The following FER variants were observed in gnomAD, a reference collection of about 807,000 sequenced individuals.
FER encodes FER tyrosine kinase.
In FER, 63 loss-of-function variants were observed where a neutral mutation model predicts 111.0. The observed-to-expected ratio is 0.57, with a 90% confidence interval of 0.46 to 0.70. The LOEUF is 0.70. Among genes scored for constraint, FER ranks in the 30% least tolerant of loss-of-function variants. The pLI, the probability that FER is intolerant of heterozygous loss-of-function variation, is 0.00. For missense variants in FER, 914 were observed against 954.0 expected (o/e 0.96, Z 0.55); for synonymous variants, 327 against 313.9 (o/e 1.04, Z -0.44).
intron 3 of FER, among the ~76,000 whole-genome samples, chr5:108,816,343 T>C (rs1435643298): frequency 6.6e-6 from 1 of 152,204 alleles, no homozygotes; most frequent in Non-Finnish European, 1.5e-5. Context: ...TGAGCCACAC[T>C]CATCCACATG....
chr5:108,934,066 C>G (rs1581266625), intron 10 of FER, among the ~76,000 whole-genome samples: 1 of 152,070 alleles, frequency 6.6e-6, no homozygotes. Context: ...ATTTCTTTCT[C>G]TTGCCTGATT....
intron 2 of FER, among the ~76,000 whole-genome samples, chr5:108,796,062 C>T (rs1580584307): frequency 6.6e-6 from 1 of 152,190 alleles, no homozygotes; most frequent in Non-Finnish European, 1.5e-5. Flanking sequence ...TGGGTGCTGT[C>T]ATGTAAGCTG....
intron 1 of FER, among the ~76,000 whole-genome samples, chr5:108,754,406 CA>C (rs34475850): frequency 0.14 from 12,248 of 86,248 alleles, 472 homozygotes; most frequent in African/African-American, 0.23. Flanking sequence ...GTCCCTGTCT[CA>C]AAAAAAAAAA....
intron 13 of FER, among the ~76,000 whole-genome samples, chr5:108,996,461 G>A (rs1003864785): frequency 4.6e-5 from 7 of 152,190 alleles, no homozygotes; most frequent in African/African-American, 1.4e-4. Flanking sequence ...AAGGGGTCCA[G>A]TTTCAGTTTT....
At chr5:109,051,248 C>G in intron 16 of FER, 1 of 1,071,428 alleles carries the variant, frequency 9.3e-7, no homozygotes. Flanking sequence ...ACCTGGTGCA[C>G]TTTCTACAGC....
chr5:109,101,884 G>A (rs1748275556), intron 17 of FER, among the ~76,000 whole-genome samples: 1 of 152,016 alleles, frequency 6.6e-6, no homozygotes. Context: ...ATTCTCTCTG[G>A]TAATTACTCC....
At chr5:109,052,257 G>A in intron 16 of FER, 3 of 1,605,704 alleles carry the variant, frequency 1.9e-6, no homozygotes, top group Non-Finnish European at 2.6e-6. Flanking sequence ...GGAAAGACTT[G>A]TCATAGCAGA....
chr5:109,002,191 C>G (rs1465274222), intron 13 of FER, among the ~76,000 whole-genome samples: 1 of 151,888 alleles, frequency 6.6e-6, no homozygotes, highest in East Asian at 1.9e-4. Flanking sequence ...AAGAACAAAG[C>G]TGGAGGCATC....
chr5:108,939,481 A>T (rs1755958951), intron 10 of FER, among the ~76,000 whole-genome samples: 2 of 152,050 alleles, frequency 1.3e-5, no homozygotes, highest in African/African-American at 4.8e-5. Context: ...AGTTCAAACC[A>T]TGTCGTCAAG....
At chr5:109,003,581 C>T (rs529128960) in intron 13 of FER, among the ~76,000 whole-genome samples, 12 of 151,314 alleles carry the variant, frequency 7.9e-5, no homozygotes, top group Admixed American at 3.3e-4. Context: ...CAAACCTGCA[C>T]GTAGTGCACA....
At chr5:108,823,971 ATCCAGT>A (rs1246648426) in intron 3 of FER, among the ~76,000 whole-genome samples, 1 of 151,840 alleles carries the variant, frequency 6.6e-6, no homozygotes, top group African/African-American at 2.4e-5. Flanking sequence ...TAAGATAGGG[ATCCAGT>A]TTCATTCTCT....
At chr5:109,123,021 A>T (rs1751191057) in intron 17 of FER, among the ~76,000 whole-genome samples, 1 of 151,946 alleles carries the variant, frequency 6.6e-6, no homozygotes, top group Non-Finnish European at 1.5e-5. Context: ...TAATCCATTC[A>T]GCCACTCTAT....
chr5:109,002,904 A>G (rs562717106), intron 13 of FER, among the ~76,000 whole-genome samples: 1,597 of 152,320 alleles, frequency 0.01, 24 homozygotes, highest in African/African-American at 0.036. Context: ...GCAAATCAAA[A>G]CCACAATGAG....
chr5:108,862,591 G>T (rs774087081), intron 5 of FER, among the ~76,000 whole-genome samples: 200 of 152,150 alleles, frequency 1.3e-3, no homozygotes, highest in Non-Finnish European at 1.8e-3. Flanking sequence ...ATGGAATTCA[G>T]TGAATTGATT....
chr5:109,033,820 T>A lies in FER; in HGVS notation c.1657-3602T>A, dbSNP rs142258083. On this transcript the variant is annotated intron_variant, in intron 13 of 19. Coordinates refer to ENST00000281092, the MANE Select transcript of FER (RefSeq NM_005246.4). The stretch of plus-strand genomic sequence containing the variant: ...CCTGCCTCTTACAGGCTGAGTCACA[T>A]GTCTTTTTTTATTATTTAAATTTTT... 1.1e-3 allele frequency among the ~76,000 whole-genome samples: 166 copies of A among 152,272 alleles called. 5 individuals are homozygous for A. The East Asian group carries it at 0.03, about 28-fold the overall frequency.
At chr5:109,166,537 T>C (rs193118955) in intron 17 of FER, among the ~76,000 whole-genome samples, 4 of 152,364 alleles carry the variant, frequency 2.6e-5, no homozygotes, top group African/African-American at 7.2e-5. Context: ...CAGTTATCTA[T>C]TGATTCATAA....
intron 13 of FER, among the ~76,000 whole-genome samples, chr5:108,971,811 C>G (rs1393366354): frequency 6.6e-6 from 1 of 151,898 alleles, no homozygotes; most frequent in Non-Finnish European, 1.5e-5. Flanking sequence ...TTAAACAACT[C>G]AGAATATCAA....
chr5:109,186,463 T>TTATC, intron 19 of FER, 141 bp downstream of exon 19: 1 of 1,194,206 alleles, frequency 8.4e-7, no homozygotes, highest in South Asian at 1.4e-5. Flanking sequence ...AGAAGCAGAT[T>TTATC]TATCTAACAT....
intron 2 of FER, among the ~76,000 whole-genome samples, chr5:108,787,341 G>A (rs916348278): frequency 6.6e-6 from 1 of 152,228 alleles, no homozygotes; most frequent in African/African-American, 2.4e-5. Context: ...GGGGCTGAGG[G>A]CAGCTTGGCA....
Sources: allele counts gnomAD v4.1 joint callset (sites outside exome capture counted in the v4.1 genomes callset), GRCh38; gene constraint gnomAD v4.1.1; transcripts MANE v1.5; gene names NCBI Gene and HGNC (gene_info 2026-07-23, HGNC 2026-07-21).